Variants in C18orf63 observed in about 807,000 individuals in gnomAD.
C18orf63 encodes the protein uncharacterized protein C18orf63.
A neutral mutation model predicts 75.3 loss-of-function variants in C18orf63; 50 were observed. The ratio of observed to expected loss-of-function variants is 0.66; its 90% CI spans 0.53 to 0.84. The LOEUF is 0.84. Among genes scored for constraint, C18orf63 ranks in the 40% least tolerant of loss-of-function variants. The probability of loss-of-function intolerance (pLI) is 0.00; values close to 1 mark genes in which losing one functional copy is unlikely to be tolerated. For synonymous variants in C18orf63, 232 were observed against 267.6 expected, an observed-to-expected ratio of 0.87 and a Z score of 1.30; for missense variants, 732 against 800.2, an observed-to-expected ratio of 0.91 and a Z score of 1.03.
Position 74,317,997 on chromosome 18 carries a change from C to A in C18orf63, c.132C>A (p.Cys44Ter). The A allele has an allele frequency of 6.8e-7, 1 of 1,479,116 alleles. No homozygotes were observed. The highest frequency in any genetic ancestry group is 9.0e-7 in the Non-Finnish European group (1 of 1,116,180). 91.6% of individuals were successfully genotyped at this position (1,479,116 alleles called of 1,614,324 possible). A position where few individuals can be genotyped will look rare whatever the true frequency, so the allele number is the denominator to read the frequency against. ...TEIRTIQMKM[C>*]RQLLFLHQDI... ...TTAGGACTATACAAATGAAGATGTG[C>A]AGGTAAAAAAATACATCTTATAACT... is the stretch of plus-strand genomic sequence containing the variant. The change falls in exon 2 of 14, where the codon TGC (cysteine) becomes TGA (stop). Residue 44 changes from cysteine to a stop codon, truncating the protein, a stop_gained and splice_region_variant. Coordinates refer to ENST00000579455, the MANE Select transcript of C18orf63 (RefSeq NM_001174123.2). LOFTEE classifies it high-confidence loss of function.
At chr18:74,323,178 C>T (rs1027698352) in intron 4 of C18orf63, among the ~76,000 whole-genome samples, 1 of 152,182 alleles carries the variant, frequency 6.6e-6, no homozygotes, top group Non-Finnish European at 1.5e-5. Context: ...TATTCATTTA[C>T]TGAGACCTCT....
At chr18:74,336,122 C>G (rs1404973020) in intron 7 of C18orf63, among the ~76,000 whole-genome samples, 4 of 152,130 alleles carry the variant, frequency 2.6e-5, no homozygotes, top group African/African-American at 7.2e-5. Flanking sequence ...AATTAAGACA[C>G]AAAGCAGTTA....
chr18:74,317,791 G>A (rs771747454), intron 1 of C18orf63, 43 bp from the exon 2 acceptor site: 57 of 1,189,230 alleles, frequency 4.8e-5, no homozygotes, highest in Non-Finnish European at 6.3e-5. Flanking sequence ...GAACTCTATT[G>A]GTAAGATAAT....
chr18:74,333,413 T>C (rs1456387766), intron 7 of C18orf63, among the ~76,000 whole-genome samples: 1 of 152,130 alleles, frequency 6.6e-6, no homozygotes, highest in Non-Finnish European at 1.5e-5. Flanking sequence ...TACCTAAGAC[T>C]AGATAATTTA....
rs565737823 is a variant in C18orf63 at position 74,355,102 on chromosome 18, C to T, written c.*33+556C>T. ...CCATCTGTTCTATTCTAAGAACAAA[C>T]ATATTACTAAAATACCCACAAGTTA... On this transcript the variant is annotated intron_variant, in intron 13 of 13. Coordinates refer to ENST00000579455, the MANE Select transcript of C18orf63 (RefSeq NM_001174123.2). Among the ~76,000 whole-genome samples, 165 of 152,276 alleles carry T rather than the reference C, an allele frequency of 1.1e-3. 1 individual carries two copies. The highest frequency in any genetic ancestry group is 3.7e-3 in the Admixed American group (57 of 15,288).
chr18:74,326,147 T>C lies in C18orf63; in HGVS notation c.271-1800T>C, dbSNP rs531065536. On this transcript the variant is annotated intron_variant, in intron 4 of 13. Transcript: ENST00000579455. ...TGAGGTCAGCATTATGGAGTCCTAA[T>C]GATAGTCCTTAATTAAATTCTGTAT... 3.3e-5 allele frequency among the ~76,000 whole-genome samples: 5 copies of C among 152,334 alleles called. No homozygotes were observed. In the South Asian group the frequency reaches 1.0e-3, roughly 32 times the overall value.
intron 11 of C18orf63, among the ~76,000 whole-genome samples, chr18:74,345,791 G>A (rs909552020): frequency 9.2e-5 from 14 of 151,900 alleles, no homozygotes; most frequent in African/African-American, 2.9e-4. Context: ...CATGCTTTTA[G>A]AATTATCTTA....
intron 2 of C18orf63, among the ~76,000 whole-genome samples, chr18:74,319,448 C>A (rs1465436980): frequency 6.6e-6 from 1 of 152,096 alleles, no homozygotes; most frequent in Non-Finnish European, 1.5e-5. Context: ...TAATTTGTTT[C>A]TTTGATGATT....
intron 2 of C18orf63, among the ~76,000 whole-genome samples, chr18:74,318,213 G>C (rs1984059607): frequency 6.6e-6 from 1 of 152,160 alleles, no homozygotes; most frequent in African/African-American, 2.4e-5. Flanking sequence ...TCACTGTTGA[G>C]TTTTTATATC....
At position 74,354,026 on chromosome 18, in the gene C18orf63, T is replaced by G; in HGVS notation, c.1759T>G (p.Ser587Ala). 1 of 1,536,244 alleles carries G rather than the reference T, an allele frequency of 6.5e-7. No homozygotes were observed. The change falls in exon 12 of 14, where the codon TCA becomes GCA. Residue 587 changes from serine to alanine, a missense_variant. Around this residue, in one of 3 missense-constraint regions of C18orf63, gnomAD observed 495 missense variants for 508.7 expected, o/e 0.97. Transcript: ENST00000579455. ...ITQILGKSHG[S>A]LKLKRQPHIF... The stretch of plus-strand genomic sequence containing the variant: ...ACAAATTTTAGGGAAAAGCCATGGG[T>G]CACTAAAACTGAAAAGACAGCCACA...
At position 74,347,116 on chromosome 18, in the gene C18orf63, A is replaced by G. The variant is rs369782649; in HGVS notation, c.978+3414A>G. 1.4e-4 allele frequency among the ~76,000 whole-genome samples: 21 copies of G among 152,320 alleles called. No individual in the cohort carries two copies. The East Asian group carries it at 3.9e-3, about 28-fold the overall frequency. ...TTAATTGTATAATTTGGGACAAGTT[A>G]TTTGATCTCTGTGTGCCCCAGTTTC... On this transcript the variant is annotated intron_variant, in intron 11 of 13. Coordinates refer to ENST00000579455, the MANE Select transcript of C18orf63 (RefSeq NM_001174123.2).
chr18:74,316,676 G>A (rs1295439098), intron 1 of C18orf63, among the ~76,000 whole-genome samples: 1 of 152,206 alleles, frequency 6.6e-6, no homozygotes, highest in Non-Finnish European at 1.5e-5. Context: ...CAGAAACGTA[G>A]TGGAGCGACT....
chr18:74,317,240 T>C (rs1476374289), intron 1 of C18orf63, among the ~76,000 whole-genome samples: 2 of 152,250 alleles, frequency 1.3e-5, no homozygotes, highest in Non-Finnish European at 2.9e-5. Flanking sequence ...ATTCCAGTTT[T>C]TGTTACTGTA....
chr18:74,353,177 A>G, intron 11 of C18orf63, 69 bp from the exon 12 acceptor site: 2 of 1,013,022 alleles, frequency 2.0e-6, no homozygotes, highest in Non-Finnish European at 2.8e-6. Context: ...GATACTTTAT[A>G]TTTTATTTCT....
In C18orf63 at chr18:74,317,280, A is replaced by T. The variant is rs184763108; in HGVS notation, c.-32-554A>T. 4.4e-3 allele frequency among the ~76,000 whole-genome samples: 669 copies of T among 152,328 alleles called. 2 individuals are homozygous for T. In the South Asian group the frequency reaches 0.047, roughly 11 times the overall value. ...AATGTAATGTAGACTTCAAAGGTAT[A>T]CCTTATGAATTATCAACTGTAAACT... On this transcript the variant is annotated intron_variant, in intron 1 of 13. Transcript: ENST00000579455.
In C18orf63 at chr18:74,324,027, C is replaced by A. The variant is rs1984167490; in HGVS notation, c.270+1273C>A. On this transcript the variant is annotated intron_variant, in intron 4 of 13. Transcript: ENST00000579455. Reference sequence around the variant, plus strand: ...TGCCAGGATAGGCTCTGGCCACCCACCACCCTGAATTAGAATAAGCTAATT... The same window carrying A: ...TGCCAGGATAGGCTCTGGCCACCCAACACCCTGAATTAGAATAAGCTAATT... 2.0e-5 allele frequency among the ~76,000 whole-genome samples: 3 copies of A among 152,166 alleles called. No individual in the cohort carries two copies. The South Asian group carries it at 6.2e-4, about 32-fold the overall frequency.
intron 1 of C18orf63, among the ~76,000 whole-genome samples, chr18:74,317,087 C>T (rs148319558): frequency 2.0e-5 from 3 of 152,280 alleles, no homozygotes; most frequent in Admixed American, 2.0e-4. Context: ...CTGCACATTC[C>T]CGGGCCAGTA....
intron 6 of C18orf63, 107 bp downstream of exon 6, chr18:74,329,143 GT>G: frequency 1.5e-6 from 1 of 673,398 alleles, no homozygotes; most frequent in Non-Finnish European, 2.6e-6. Flanking sequence ...AATCCCAACG[GT>G]TTGGGAGGCC....
chr18:74,339,424 T>C (rs1315238780), intron 8 of C18orf63, among the ~76,000 whole-genome samples: 1 of 152,180 alleles, frequency 6.6e-6, no homozygotes, highest in Non-Finnish European at 1.5e-5. Flanking sequence ...TATTTTGTGC[T>C]TACAATTGGC....
Sources: gnomAD v4.1 joint callset for allele counts (sites outside exome capture counted in the v4.1 genomes callset) on GRCh38, gnomAD v4.1.1 for gene constraint, gnomAD v4.1.1 regional missense constraint, MANE v1.5 for transcripts, NCBI Gene and HGNC (gene_info 2026-07-23, HGNC 2026-07-21) for gene names.